VAV2: variants seen among roughly 807,000 people sequenced by gnomAD.
VAV2 encodes vav guanine nucleotide exchange factor 2.
In VAV2, 67 loss-of-function variants were observed where a neutral mutation model predicts 132.5. The ratio of observed to expected loss-of-function variants is 0.51; its 90% CI spans 0.42 to 0.62. VAV2 has a LOEUF of 0.62. Ranked by LOEUF, VAV2 falls within the 20% of genes least tolerant of loss-of-function variation. VAV2 has a pLI of 0.00. For missense variants in VAV2, 938 were observed against 1,153.6 expected, an observed-to-expected ratio of 0.81 and a Z score of 2.71; for synonymous variants, 492 against 443.5, an observed-to-expected ratio of 1.11 and a Z score of -1.37.
intron 2 of VAV2, among the ~76,000 whole-genome samples, chr9:133,921,736 T>G (rs1399736111): frequency 6.6e-6 from 1 of 152,234 alleles, no homozygotes; most frequent in Admixed American, 6.5e-5. Context: ...CTCAGCAGCC[T>G]CTGCAGTGTG....
chr9:133,774,939 T>C lies in VAV2; in HGVS notation c.2131A>G (p.Ile711Val). ...GAGCCCAGAGCCGCCACTTACTTGA[T>C]GCTTATTGCAAAGCGCTCAGCCTCG... is the stretch of plus-strand genomic sequence containing the variant. ...PAEAERFAIS[I>V]KFNDEVKHIK... Residue 711 changes from isoleucine (I) to valine (V), a missense_variant, in exon 25 of 30, where the codon ATC becomes GTC. By Grantham distance (29) the Ile-to-Val change is conservative (BLOSUM62 3). Transcript: ENST00000371850. 6.2e-7 allele frequency: 1 copy of C among 1,611,768 alleles called. No homozygotes were observed. The highest frequency in any genetic ancestry group is 8.5e-7 in the Non-Finnish European group (1 of 1,178,838).
intron 2 of VAV2, among the ~76,000 whole-genome samples, chr9:133,917,153 G>C (rs1328880948): frequency 6.6e-6 from 1 of 151,074 alleles, no homozygotes; most frequent in Non-Finnish European, 1.5e-5. Context: ...TGACAGCCTA[G>C]CCCTAGAGCT....
chr9:133,858,190 G>A (rs1435466187), intron 3 of VAV2, among the ~76,000 whole-genome samples: 1 of 152,188 alleles, frequency 6.6e-6, no homozygotes, highest in African/African-American at 2.4e-5. Context: ...GAGGCGTTGG[G>A]CCACGCAGCG....
intron 26 of VAV2, among the ~76,000 whole-genome samples, chr9:133,771,060 TTC>T (rs1564328716): frequency 1.6e-5 from 2 of 123,326 alleles, no homozygotes; most frequent in African/African-American, 6.4e-5. Flanking sequence ...ATTATGGATT[TTC>T]TTTTTTTTTT....
chr9:133,852,062 A>T (rs1837208740), intron 3 of VAV2, among the ~76,000 whole-genome samples: 3 of 152,012 alleles, frequency 2.0e-5, no homozygotes. Context: ...ATGGATGGAT[A>T]AATGAGTGAC....
intron 26 of VAV2, 52 bp from the exon 27 acceptor site, chr9:133,770,553 C>T (rs763785895): frequency 5.0e-6 from 8 of 1,601,198 alleles, no homozygotes; most frequent in Admixed American, 1.7e-5. Flanking sequence ...AGGAAGTCCT[C>T]CCCCAGTGAC....
intron 9 of VAV2, among the ~76,000 whole-genome samples, chr9:133,805,683 T>C (rs1307152061): frequency 1.3e-5 from 2 of 152,294 alleles, no homozygotes; most frequent in African/African-American, 2.4e-5. Flanking sequence ...CTGGGCATCA[T>C]TTAAGCTCCA....
intron 4 of VAV2, among the ~76,000 whole-genome samples, chr9:133,830,009 C>T (rs1210020956): frequency 6.6e-6 from 1 of 152,048 alleles, no homozygotes; most frequent in Admixed American, 6.6e-5. Context: ...AACCAGCTGA[C>T]GATGGAATGA....
At position 133,918,751 on chromosome 9, in the gene VAV2, CG is replaced by C. The variant is rs1564465447; in HGVS notation, c.321+20351del. Among the ~76,000 whole-genome samples the C allele has an allele frequency of 7.0e-6, 1 of 143,428 alleles. No homozygotes were observed. The highest frequency in any genetic ancestry group is 3.0e-5 in the African/African-American group (1 of 33,320). The allele number at this position is 143,428 out of a possible 152,430, so 94.1% of individuals were successfully genotyped here. ...GCTCCTAAGCCTCCCAAGAAGCAGC[CG>C]CCATGTGTGTGTGTGTGTTTGTTTG... On this transcript the variant is annotated intron_variant, in intron 2 of 29. Coordinates refer to ENST00000371850, the MANE Select transcript of VAV2 (RefSeq NM_001134398.2). This position sits in a 1 kb window ranked among gnomAD's most constrained non-coding sequence, Gnocchi z 4.7.
chr9:133,934,669 C>T (rs1163467138), intron 2 of VAV2, among the ~76,000 whole-genome samples: 1 of 152,236 alleles, frequency 6.6e-6, no homozygotes, highest in Non-Finnish European at 1.5e-5. Context: ...GGCCTTTGGC[C>T]TTAGACTGAA....
At chr9:133,904,602 C>T (rs4744525) in intron 2 of VAV2, among the ~76,000 whole-genome samples, 2 of 152,248 alleles carry the variant, frequency 1.3e-5, no homozygotes, top group Non-Finnish European at 1.5e-5. Flanking sequence ...TGCAGGCATG[C>T]AGCACACCCT....
chr9:133,924,796 A>T (rs535379448), intron 2 of VAV2, among the ~76,000 whole-genome samples: 28 of 152,340 alleles, frequency 1.8e-4, no homozygotes, highest in Middle Eastern at 3.4e-3. Flanking sequence ...TATTCACAGG[A>T]GCCGAAGGTG....
At chr9:133,866,725 G>C (rs936411603) in intron 2 of VAV2, among the ~76,000 whole-genome samples, 2 of 150,710 alleles carry the variant, frequency 1.3e-5, no homozygotes. Flanking sequence ...AGAATGGCTT[G>C]AACCCAGGAC....
chr9:133,844,025 C>G (rs1241971992), intron 3 of VAV2, among the ~76,000 whole-genome samples: 1 of 152,078 alleles, frequency 6.6e-6, no homozygotes, highest in Non-Finnish European at 1.5e-5. Flanking sequence ...GAGGAGAGAC[C>G]CCACGTGACC....
intron 4 of VAV2, among the ~76,000 whole-genome samples, chr9:133,825,438 T>C (rs944652841): frequency 5.3e-5 from 8 of 152,094 alleles, no homozygotes; most frequent in African/African-American, 1.9e-4. Context: ...GCTGGATTCA[T>C]TTGCTTGTTT....
intron 2 of VAV2, among the ~76,000 whole-genome samples, chr9:133,880,488 C>A (rs368275861): frequency 6.6e-6 from 1 of 152,320 alleles, no homozygotes; most frequent in African/African-American, 2.4e-5. Flanking sequence ...ACACGAAGCA[C>A]CAGGGACAGC....
At chr9:133,844,254 T>C (rs1166170340) in intron 3 of VAV2, among the ~76,000 whole-genome samples, 3 of 152,206 alleles carry the variant, frequency 2.0e-5, no homozygotes, top group African/African-American at 4.8e-5. Context: ...ACGCTTCTCG[T>C]AAGGGAACCT....
intron 2 of VAV2, among the ~76,000 whole-genome samples, chr9:133,890,066 G>A (rs1838870256): frequency 6.6e-6 from 1 of 152,196 alleles, no homozygotes; most frequent in Non-Finnish European, 1.5e-5. Context: ...ATGGTGCCAG[G>A]GTGTGGGATG....
intron 5 of VAV2, among the ~76,000 whole-genome samples, chr9:133,810,701 T>C (rs1835326628): frequency 6.6e-6 from 1 of 151,592 alleles, no homozygotes; most frequent in South Asian, 2.1e-4. Context: ...CTGTGGACAC[T>C]CCATGTCCTT....
Sources: allele counts gnomAD v4.1 joint callset (sites outside exome capture counted in the v4.1 genomes callset), GRCh38; gene constraint gnomAD v4.1.1; non-coding constraint Gnocchi (gnomAD v3.1); transcripts MANE v1.5; gene names NCBI Gene and HGNC (gene_info 2026-07-23, HGNC 2026-07-21).